Variants in UNC5C observed in about 807,000 individuals in gnomAD.
The protein encoded by UNC5C is netrin receptor UNC5C.
UNC5C carries 47 observed loss-of-function variants against 99.8 expected under a neutral mutation model. That is an observed-to-expected ratio of 0.47 (90% confidence interval 0.37 to 0.60). The LOEUF is 0.60. Ranked by LOEUF, UNC5C falls within the 20% of genes least tolerant of loss-of-function variation. The pLI, the probability that UNC5C is intolerant of heterozygous loss-of-function variation, is 0.00. For synonymous variants in UNC5C, 487 were observed against 452.2 expected, an observed-to-expected ratio of 1.08 and a Z score of -0.98; for missense variants, 1,062 against 1,165.9, an observed-to-expected ratio of 0.91 and a Z score of 1.30.
chr4:95,241,020 T>G (rs987780251), intron 7 of UNC5C, among the ~76,000 whole-genome samples: 17 of 152,342 alleles, frequency 1.1e-4, no homozygotes, highest in African/African-American at 4.1e-4. Context: ...GGCAGAAAGA[T>G]AGAAAAAGTC....
chr4:95,382,459 A>G (rs1579372554), intron 1 of UNC5C, among the ~76,000 whole-genome samples: 1 of 25,092 alleles, frequency 4.0e-5, no homozygotes, highest in African/African-American at 2.3e-4. Flanking sequence ...ACCGTCTGTC[A>G]AAAAAAAAAA....
intron 2 of UNC5C, among the ~76,000 whole-genome samples, chr4:95,302,406 G>A (rs946168959): frequency 3.3e-5 from 5 of 152,120 alleles, no homozygotes; most frequent in Non-Finnish European, 7.4e-5. Flanking sequence ...TCAAATAATT[G>A]GAATTTATTT....
At chr4:95,536,748 C>A (rs1209702315) in intron 1 of UNC5C, among the ~76,000 whole-genome samples, 1 of 152,130 alleles carries the variant, frequency 6.6e-6, no homozygotes, top group African/African-American at 2.4e-5. Flanking sequence ...AATTAAAAAT[C>A]AAAGCCCATG....
At chr4:95,198,344 A>AGAT (rs1214278463) in intron 12 of UNC5C, among the ~76,000 whole-genome samples, 2 of 152,006 alleles carry the variant, frequency 1.3e-5, no homozygotes, top group African/African-American at 2.4e-5. Flanking sequence ...TGGGAGAGAG[A>AGAT]GATGGAAGGT....
chr4:95,513,096 G>A (rs1327540183), intron 1 of UNC5C, among the ~76,000 whole-genome samples: 3 of 152,144 alleles, frequency 2.0e-5, no homozygotes, highest in African/African-American at 7.2e-5. Flanking sequence ...TGCTAAATAT[G>A]TAAATCATAC....
chr4:95,480,829 C>G (rs1303408428), intron 1 of UNC5C, among the ~76,000 whole-genome samples: 1 of 151,918 alleles, frequency 6.6e-6, no homozygotes, highest in South Asian at 2.1e-4. Flanking sequence ...TAAAAACTCT[C>G]AATAAATTAG....
At chr4:95,169,780 A>G (rs535375241) in intron 15 of UNC5C, among the ~76,000 whole-genome samples, 2 of 152,314 alleles carry the variant, frequency 1.3e-5, no homozygotes, top group South Asian at 2.1e-4. Context: ...AGGTCTCTTT[A>G]TAACTTAATA....
chr4:95,357,883 T>G (rs1354675226), intron 1 of UNC5C, among the ~76,000 whole-genome samples: 1 of 152,060 alleles, frequency 6.6e-6, no homozygotes, highest in Non-Finnish European at 1.5e-5. Context: ...AATGAATGTG[T>G]GTGTGTGTGT....
intron 1 of UNC5C, among the ~76,000 whole-genome samples, chr4:95,536,119 C>T (rs975811024): frequency 1.5e-4 from 22 of 148,814 alleles, no homozygotes; most frequent in Admixed American, 4.0e-4. Context: ...CTCTTGTCAC[C>T]CAGGCTGGAG....
rs1736797787 is a variant in UNC5C, at chr4:95,185,582, AAGT to A, written c.2137-389_2137-387del. On this transcript the variant is annotated intron_variant, in intron 12 of 15. Transcript: ENST00000453304. The stretch of plus-strand genomic sequence containing the variant: ...AATGTAGACAAACTGATTGATAAGA[AAGT>A]AGATTTTCAATTAACTTTTACAAAA... 3.3e-5 allele frequency among the ~76,000 whole-genome samples: 5 copies of A among 152,228 alleles called. No individual in the cohort carries two copies. In the South Asian group the frequency reaches 8.3e-4, roughly 25 times the overall value.
intron 9 of UNC5C, 54 bp downstream of exon 9, chr4:95,218,915 A>G (rs573247181): frequency 9.3e-6 from 14 of 1,504,348 alleles, no homozygotes; most frequent in East Asian, 2.3e-5. Flanking sequence ...AGATTTTGGT[A>G]TGGAAAAATA....
intron 1 of UNC5C, among the ~76,000 whole-genome samples, chr4:95,502,098 C>T (rs1338115276): frequency 6.6e-6 from 1 of 152,088 alleles, no homozygotes; most frequent in Non-Finnish European, 1.5e-5. Flanking sequence ...TGTGTTCTTA[C>T]TTCATTACTA....
chr4:95,486,595 T>C (rs1053732653), intron 1 of UNC5C, among the ~76,000 whole-genome samples: 8 of 151,718 alleles, frequency 5.3e-5, no homozygotes, highest in African/African-American at 1.4e-4. Context: ...TCTGGCCTTA[T>C]TCCCAACAGC....
chr4:95,326,791 A>G (rs1298878757), intron 2 of UNC5C, among the ~76,000 whole-genome samples: 2 of 152,202 alleles, frequency 1.3e-5, no homozygotes, highest in Non-Finnish European at 2.9e-5. Flanking sequence ...ATAAAATTTT[A>G]TGAGTTGGAG....
intron 2 of UNC5C, among the ~76,000 whole-genome samples, chr4:95,329,654 T>C (rs1743036868): frequency 1.3e-5 from 2 of 152,344 alleles, no homozygotes; most frequent in Admixed American, 1.3e-4. Context: ...TCTATTCGGT[T>C]GCTGATCTTT....
intron 3 of UNC5C, among the ~76,000 whole-genome samples, chr4:95,291,418 T>G (rs931870644): frequency 1.3e-5 from 2 of 152,202 alleles, no homozygotes; most frequent in Non-Finnish European, 2.9e-5. Context: ...TAAACTTCAC[T>G]TTTCATACAG....
intron 3 of UNC5C, among the ~76,000 whole-genome samples, chr4:95,284,180 G>T (rs142887083): frequency 1.3e-5 from 2 of 152,144 alleles, no homozygotes; most frequent in African/African-American, 4.8e-5. Flanking sequence ...CAGAATACAT[G>T]ATTCATGGCA....
At chr4:95,504,832 C>T (rs958268807) in intron 1 of UNC5C, among the ~76,000 whole-genome samples, 5 of 151,902 alleles carry the variant, frequency 3.3e-5, no homozygotes, top group Admixed American at 3.3e-4. Context: ...TGTCTTTGCC[C>T]TATGATGTCA....
At chr4:95,537,393 C>T (rs902777996) in intron 1 of UNC5C, among the ~76,000 whole-genome samples, 4 of 152,088 alleles carry the variant, frequency 2.6e-5, no homozygotes, top group Non-Finnish European at 4.4e-5. Context: ...TGGAGGTTCT[C>T]GTAATACTTT....
Sources: gnomAD v4.1 joint callset for allele counts (sites outside exome capture counted in the v4.1 genomes callset) on GRCh38, gnomAD v4.1.1 for gene constraint, MANE v1.5 for transcripts, NCBI Gene and HGNC (gene_info 2026-07-23, HGNC 2026-07-21) for gene names.